The following SPAG17 variants were observed in gnomAD, a reference collection of about 807,000 sequenced individuals.
SPAG17 encodes sperm-associated antigen 17.
In SPAG17, 169 loss-of-function variants were observed where a neutral mutation model predicts 273.6. The ratio of observed to expected loss-of-function variants is 0.62; its 90% CI spans 0.55 to 0.70. SPAG17 has a LOEUF of 0.70. Ranked by LOEUF, SPAG17 falls within the 30% of genes least tolerant of loss-of-function variation. SPAG17 has a pLI of 0.00. For missense variants in SPAG17, 2,557 were observed against 2,627.8 expected (o/e 0.97, Z 0.59); for synonymous variants, 825 against 873.2 (o/e 0.94, Z 0.97).
At chr1:118,044,819 T>C (rs2101946827) in intron 20 of SPAG17, among the ~76,000 whole-genome samples, 1 of 152,288 alleles carries the variant, frequency 6.6e-6, no homozygotes, top group East Asian at 1.9e-4. Context: ...AGGATGTGCC[T>C]GCCTCCCCTT....
intron 32 of SPAG17, among the ~76,000 whole-genome samples, chr1:118,001,976 CT>C (rs1368426282): frequency 6.6e-6 from 1 of 152,182 alleles, no homozygotes; most frequent in African/African-American, 2.4e-5. Context: ...ACAAATTTCC[CT>C]CTACACACTG....
rs1159504332 is a variant in SPAG17, at chr1:118,138,910, A to G, written c.315+11633T>C. Among the ~76,000 whole-genome samples the G allele has an allele frequency of 2.6e-5, 4 of 152,160 alleles. No homozygotes were observed. In the East Asian group the frequency reaches 7.7e-4, roughly 29 times the overall value. On this transcript the variant is annotated intron_variant, in intron 3 of 48. Coordinates refer to ENST00000336338, the MANE Select transcript of SPAG17 (RefSeq NM_206996.4). ...CTTTCTTCCTGATATCTCTTCTTAG[A>G]TACCCCTCAGACATATGTGACTTAA...
rs1202821188 is a variant in SPAG17, at chr1:118,031,695, T to C, written c.3606A>G (p.Lys1202=). The C allele has an allele frequency of 6.2e-6, 10 of 1,612,370 alleles. No homozygotes were observed. The East Asian group carries it at 2.2e-4, about 36-fold the overall frequency. ...KEEEHPKEEE[K]KEEEVEPEPV... ...ATCTATGGCAAGGTTCATTTACCTT[T>C]TTCTCTTCTTCTTTTGGGTGTTCTT... is the stretch of plus-strand genomic sequence containing the variant. The change falls in exon 25 of 49, where the codon AAA becomes AAG. Residue 1202 remains lysine (K), a synonymous_variant. Coordinates refer to ENST00000336338, the MANE Select transcript of SPAG17 (RefSeq NM_206996.4).
chr1:117,988,063 C>A (rs1656637641), intron 39 of SPAG17, 42 bp downstream of exon 39: 1 of 1,530,402 alleles, frequency 6.5e-7, no homozygotes, highest in East Asian at 2.3e-5. Context: ...TCAATCACTG[C>A]ATACCTAATA....
At chr1:118,066,965 A>G in intron 17 of SPAG17, 66 bp from the exon 18 acceptor site, 2 of 1,454,582 alleles carry the variant, frequency 1.4e-6, no homozygotes, top group Non-Finnish European at 1.8e-6. Flanking sequence ...GTCTCCTACT[A>G]GGGCATTTCT....
At chr1:117,997,481 A>G (rs1443084714) in intron 32 of SPAG17, among the ~76,000 whole-genome samples, 2 of 151,690 alleles carry the variant, frequency 1.3e-5, no homozygotes, top group African/African-American at 2.4e-5. Flanking sequence ...AAACAAAGTT[A>G]GGAATTCTGT....
chr1:118,082,229 T>A (rs1654638037), intron 13 of SPAG17, among the ~76,000 whole-genome samples: 2 of 152,230 alleles, frequency 1.3e-5, no homozygotes, highest in Admixed American at 1.3e-4. Flanking sequence ...TCATTGGTTA[T>A]TATTTTCTAC....
chr1:118,174,492 C>T (rs1660586056), intron 1 of SPAG17, among the ~76,000 whole-genome samples: 1 of 152,122 alleles, frequency 6.6e-6, no homozygotes, highest in Non-Finnish European at 1.5e-5. Context: ...GGGATACCAC[C>T]AGGCAGACCA....
chr1:118,119,455 T>C (rs1294649210), intron 3 of SPAG17, among the ~76,000 whole-genome samples: 2 of 152,176 alleles, frequency 1.3e-5, no homozygotes, highest in African/African-American at 4.8e-5. Context: ...GAGAGCACTT[T>C]CCCTCCAGGA....
chr1:117,989,875 G>A (rs949491700), intron 38 of SPAG17, among the ~76,000 whole-genome samples: 4 of 152,022 alleles, frequency 2.6e-5, no homozygotes, highest in South Asian at 2.1e-4. Flanking sequence ...CCACCAGGCC[G>A]GGCCTGGGGA....
intron 39 of SPAG17, 50 bp downstream of exon 39, chr1:117,988,055 A>G: frequency 6.6e-7 from 1 of 1,508,170 alleles, no homozygotes; most frequent in Non-Finnish European, 9.0e-7. Context: ...CCATTTCCTC[A>G]ATCACTGCAT....
intron 48 of SPAG17, chr1:117,961,429 T>C (rs1653086403): frequency 6.6e-6 from 1 of 152,250 alleles, no homozygotes; most frequent in African/African-American, 2.4e-5. Flanking sequence ...CCTCTGGGTC[T>C]GGGCTTTTCT....
intron 47 of SPAG17, 47 bp from the exon 48 acceptor site, chr1:117,963,985 C>T: frequency 6.4e-7 from 1 of 1,571,488 alleles, no homozygotes; most frequent in Non-Finnish European, 8.7e-7. Flanking sequence ...AAATTATTTG[C>T]ATATATAAAC....
chr1:118,047,795 C>T (rs1650534145), intron 20 of SPAG17, among the ~76,000 whole-genome samples: 1 of 151,920 alleles, frequency 6.6e-6, no homozygotes, highest in Non-Finnish European at 1.5e-5. Context: ...CGGCACCTGT[C>T]AATATCCATA....
intron 3 of SPAG17, among the ~76,000 whole-genome samples, chr1:118,128,868 A>G (rs1439584249): frequency 2.6e-5 from 4 of 152,138 alleles, no homozygotes; most frequent in Non-Finnish European, 5.9e-5. Context: ...CATGTGACTC[A>G]GGGGAAACAC....
intron 4 of SPAG17, among the ~76,000 whole-genome samples, chr1:118,113,245 G>A (rs555980907): frequency 1.3e-5 from 2 of 152,164 alleles, no homozygotes; most frequent in African/African-American, 2.4e-5. Flanking sequence ...TAGAAATTTC[G>A]GAATCTCACT....
intron 26 of SPAG17, among the ~76,000 whole-genome samples, chr1:118,027,382 C>G (rs956505979): frequency 1.3e-5 from 2 of 152,132 alleles, no homozygotes; most frequent in Non-Finnish European, 2.9e-5. Flanking sequence ...TTTAAATAAG[C>G]ATAGCGTTTT....
At chr1:117,993,185 A>G (rs1316581908) in intron 35 of SPAG17, among the ~76,000 whole-genome samples, 1 of 152,092 alleles carries the variant, frequency 6.6e-6, no homozygotes, top group African/African-American at 2.4e-5. Context: ...TATATGTTAT[A>G]CTTGTGATCG....
Position 117,963,905 on chromosome 1 carries a change from G to A in SPAG17, c.6566C>T (p.Pro2189Leu), listed in dbSNP as rs1348432419. ...VLTSSNYDKR[P>L]KDFPQGKENP... ...TTCTTTTCCCTGGGGAAAGTCTTTT[G>A]GTCGTTTATCATAATTGCTGCTTGT... Residue 2189 changes from proline (P) to leucine (L), a missense_variant, in exon 48 of 49, where the codon CCA becomes CTA. Pro to Leu is a moderately conservative substitution (Grantham distance 98). Transcript: ENST00000336338. The A allele has an allele frequency of 6.2e-7, 1 of 1,613,826 alleles. No individual in the cohort carries two copies.
Sources: allele counts gnomAD v4.1 joint callset (sites outside exome capture counted in the v4.1 genomes callset), GRCh38; gene constraint gnomAD v4.1.1; transcripts MANE v1.5; gene names NCBI Gene and HGNC (gene_info 2026-07-23, HGNC 2026-07-21).